Variants in TMEM117 observed in about 807,000 individuals in gnomAD.
The protein encoded by TMEM117 is transmembrane protein 117.
Under a neutral mutation model 52.4 loss-of-function variants are expected in TMEM117, and 27 were observed. That is an observed-to-expected ratio of 0.51 (90% CI 0.38 to 0.71). The LOEUF (loss-of-function observed/expected upper bound fraction) is 0.71, where lower values mean the gene tolerates loss of function less well. TMEM117 is among the 30% of genes least tolerant of loss of function. TMEM117 has a pLI of 0.00. For synonymous variants in TMEM117, 215 were observed against 206.3 expected (o/e 1.04, Z -0.36); for missense variants, 556 against 630.5 (o/e 0.88, Z 1.26).
At chr12:43,846,102 C>CTT (rs964680626) in intron 2 of TMEM117, among the ~76,000 whole-genome samples, 4 of 148,962 alleles carry the variant, frequency 2.7e-5, no homozygotes, top group African/African-American at 7.4e-5. Context: ...CTCTCTCTCT[C>CTT]TTTTTTTTTT....
chr12:44,151,939 A>G (rs1592561063), intron 4 of TMEM117, among the ~76,000 whole-genome samples: 1 of 128,480 alleles, frequency 7.8e-6, no homozygotes, highest in African/African-American at 3.0e-5. Flanking sequence ...TATATATTAT[A>G]TTATATTACA....
At chr12:44,148,760 A>G (rs914329014) in intron 4 of TMEM117, among the ~76,000 whole-genome samples, 3 of 152,218 alleles carry the variant, frequency 2.0e-5, no homozygotes, top group Non-Finnish European at 4.4e-5. Flanking sequence ...CTAACACCCA[A>G]CACAGAACCA....
chr12:44,359,863 A>G (rs1383977537), intron 6 of TMEM117, among the ~76,000 whole-genome samples: 3 of 152,170 alleles, frequency 2.0e-5, no homozygotes, highest in African/African-American at 7.2e-5. Context: ...GCTATTTTAA[A>G]AGTAAAAATG....
In TMEM117 at chr12:44,156,826, C is replaced by T. The variant is rs1415986673; in HGVS notation, c.510+13202C>T. Among the ~76,000 whole-genome samples, 3 of 152,166 alleles carry T rather than the reference C, an allele frequency of 2.0e-5. No individual in the cohort carries two copies. The East Asian group carries it at 5.8e-4, about 29-fold the overall frequency. ...GGTTGCAGCACCCCAAGGGCCTGTACATTGCCACGAGGCAATATAAGTGCT... is the reference window on the plus strand; with the variant it reads ...GGTTGCAGCACCCCAAGGGCCTGTATATTGCCACGAGGCAATATAAGTGCT... On this transcript the variant is annotated intron_variant, in intron 4 of 7. Coordinates refer to ENST00000266534, the MANE Select transcript of TMEM117 (RefSeq NM_032256.3).
At chr12:43,796,280 T>C in the TMEM117 span, among the ~76,000 whole-genome samples, 3 of 152,200 alleles carry the variant, frequency 2.0e-5, no homozygotes, top group South Asian at 6.2e-4. Context: ...ATCCCTGCTA[T>C]AGAAGGTGCT....
intron 2 of TMEM117, among the ~76,000 whole-genome samples, chr12:43,928,698 C>G (rs1278931442): frequency 6.6e-6 from 1 of 150,660 alleles, no homozygotes; most frequent in Non-Finnish European, 1.5e-5. Context: ...CACCCACTAA[C>G]TCGTCATCTA....
intron 4 of TMEM117, among the ~76,000 whole-genome samples, chr12:44,144,154 T>A (rs1948609902): frequency 6.6e-6 from 1 of 152,210 alleles, no homozygotes; most frequent in South Asian, 2.1e-4. Context: ...TATTATCTCT[T>A]TTAATCTCTT....
At position 44,286,864 on chromosome 12, in the gene TMEM117, A is replaced by G. The variant is rs151175004; in HGVS notation, c.609-12716A>G. Among the ~76,000 whole-genome samples, 484 of 152,304 alleles carry G rather than the reference A, an allele frequency of 3.2e-3. 4 individuals carry two copies. The highest frequency in any genetic ancestry group is 0.011 in the African/African-American group (453 of 41,560). On this transcript the variant is annotated intron_variant, in intron 5 of 7. Transcript: ENST00000266534. ...AATTTGTGCAGCTTTTTAGCTGAACAGAAAAAAGGTGGTCTACTACAAAAC... is the reference window on the plus strand; with the variant it reads ...AATTTGTGCAGCTTTTTAGCTGAACGGAAAAAAGGTGGTCTACTACAAAAC...
chr12:44,201,845 A>G (rs908406313), intron 4 of TMEM117, among the ~76,000 whole-genome samples: 1 of 152,180 alleles, frequency 6.6e-6, no homozygotes, highest in African/African-American at 2.4e-5. Context: ...TATAAAGCAG[A>G]ATGTAGAAAT....
At position 43,944,274 on chromosome 12, in the gene TMEM117, C is replaced by T; in HGVS notation, c.342C>T (p.Ser114=). 1.9e-6 allele frequency: 3 copies of T among 1,613,122 alleles called. No individual in the cohort carries two copies. In the South Asian group the frequency reaches 3.3e-5, roughly 18 times the overall value. The part of the protein sequence containing the change: ...DHGSWMTMFF[S]TILFLFIFSH... ...GGTCGTGGATGACAATGTTCTTCAG[C>T]ACAATTCTCTTTCTCTTCATATTTT... Residue 114 remains serine, a synonymous_variant, in exon 3 of 8, where the codon AGC becomes AGT. Transcript: ENST00000266534.
chr12:43,898,832 C>T (rs2137499601), intron 2 of TMEM117, among the ~76,000 whole-genome samples: 1 of 152,244 alleles, frequency 6.6e-6, no homozygotes, highest in Non-Finnish European at 1.5e-5. Flanking sequence ...AGAAGATCTA[C>T]CGAAAGTAGG....
intron 5 of TMEM117, among the ~76,000 whole-genome samples, chr12:44,235,271 A>T (rs922086785): frequency 6.6e-6 from 1 of 151,510 alleles, no homozygotes; most frequent in Non-Finnish European, 1.5e-5. Context: ...TGTCATGGGT[A>T]TCATTTTGCC....
chr12:44,168,943 T>A (rs572230617), intron 4 of TMEM117, among the ~76,000 whole-genome samples: 1 of 152,350 alleles, frequency 6.6e-6, no homozygotes, highest in Admixed American at 6.5e-5. Context: ...CCTTATGTAG[T>A]TGAAATCATA....
rs771701466 is a variant in TMEM117, at chr12:44,213,193, AT to A, written c.608+1809del. Among the ~76,000 whole-genome samples the A allele has an allele frequency of 1.1e-3, 174 of 152,274 alleles. 2 individuals are homozygous for A. The Middle Eastern group carries it at 0.02, about 18-fold the overall frequency. Reference sequence around the variant, plus strand: ...GACTTTACATCCTATATCTTTATTTATTTAATCATGACAATCCCATAAGATA... The same window carrying A: ...GACTTTACATCCTATATCTTTATTTATTAATCATGACAATCCCATAAGATA... On this transcript the variant is annotated intron_variant, in intron 5 of 7. Transcript: ENST00000266534.
intron 3 of TMEM117, among the ~76,000 whole-genome samples, chr12:44,015,786 TATGTG>T (rs1946365240): frequency 6.6e-6 from 1 of 152,188 alleles, no homozygotes; most frequent in African/African-American, 2.4e-5. Context: ...ATTTGTTTGT[TATGTG>T]AAGGGAAGCA....
chr12:44,035,209 GAGT>G (rs1946692001), intron 3 of TMEM117, among the ~76,000 whole-genome samples: 1 of 152,052 alleles, frequency 6.6e-6, no homozygotes, highest in South Asian at 2.1e-4. Context: ...TGTTTCTATT[GAGT>G]TCTCTGATTA....
At chr12:44,005,453 G>A (rs1946178793) in intron 3 of TMEM117, among the ~76,000 whole-genome samples, 2 of 152,150 alleles carry the variant, frequency 1.3e-5, no homozygotes, top group South Asian at 2.1e-4. Flanking sequence ...ATAGGGTAAA[G>A]AAGAAAACCA....
intron 3 of TMEM117, among the ~76,000 whole-genome samples, chr12:43,959,888 A>C (rs1376219872): frequency 6.6e-6 from 1 of 152,220 alleles, no homozygotes; most frequent in Non-Finnish European, 1.5e-5. Flanking sequence ...AAAGAGATAC[A>C]ATATGATTTC....
intron 3 of TMEM117, among the ~76,000 whole-genome samples, chr12:44,047,640 A>T (rs1946900794): frequency 6.6e-6 from 1 of 152,208 alleles, no homozygotes; most frequent in African/African-American, 2.4e-5. Flanking sequence ...TTTACCAGCT[A>T]AATTGAATAG....
Sources: gnomAD v4.1 joint callset for allele counts (sites outside exome capture counted in the v4.1 genomes callset) on GRCh38, gnomAD v4.1.1 for gene constraint, MANE v1.5 for transcripts, NCBI Gene and HGNC (gene_info 2026-07-23, HGNC 2026-07-21) for gene names.